Variants in ATP6V1B1 observed in about 807,000 individuals in gnomAD.
ATP6V1B1 encodes ATPase H+ transporting V1 subunit B1, also known as V-type proton ATPase subunit B, kidney isoform.
ATP6V1B1 carries 41 observed loss-of-function variants against 62.1 expected under a neutral mutation model. That is an observed-to-expected ratio of 0.66 (90% CI 0.51 to 0.86). ATP6V1B1 has a LOEUF of 0.86. Ranked by LOEUF, ATP6V1B1 falls within the 40% of genes least tolerant of loss-of-function variation. The probability of loss-of-function intolerance (pLI) is 0.00; values close to 1 mark genes in which losing one functional copy is unlikely to be tolerated. For synonymous variants in ATP6V1B1, 253 were observed against 273.4 expected (o/e 0.93, Z 0.74); for missense variants, 651 against 697.5 (o/e 0.93, Z 0.75).
chr2:70,962,726 G>A (rs1553420290), intron 8 of ATP6V1B1, 51 bp from the exon 9 acceptor site: 2 of 1,608,690 alleles, frequency 1.2e-6, no homozygotes, highest in South Asian at 1.1e-5. Context: ...AGGCTATGTG[G>A]TGCATTAGCC....
chr2:70,957,807 G>T, intron 2 of ATP6V1B1: 4 of 549,296 alleles, frequency 7.3e-6, no homozygotes, highest in Non-Finnish European at 9.9e-6. Context: ...CACAAGGTCA[G>T]GCAGCTACTA....
intron 9 of ATP6V1B1, 42 bp downstream of exon 9, chr2:70,962,942 T>C: frequency 6.2e-7 from 1 of 1,612,222 alleles, no homozygotes; most frequent in African/African-American, 1.3e-5. Context: ...TCCCTACCCC[T>C]CCCTAAGCCT....
chr2:70,942,001 C>G lies in ATP6V1B1; in HGVS notation c.119-1657C>G, dbSNP rs543446839. 83 of 1,043,442 alleles carry G rather than the reference C, an allele frequency of 8.0e-5. No homozygotes were observed. In the African/African-American group the frequency reaches 1.3e-3, roughly 16 times the overall value. 64.6% of individuals were successfully genotyped at this position (1,043,442 alleles called of 1,614,324 possible). A position where few individuals can be genotyped will look rare whatever the true frequency, so the allele number is the denominator to read the frequency against. Reference sequence around the variant, plus strand: ...GGGGCCATGCTTGTGAGGGGAGGAACTGGAGAAGGACTGGGACTGAGCGAG... The same window carrying G: ...GGGGCCATGCTTGTGAGGGGAGGAAGTGGAGAAGGACTGGGACTGAGCGAG... On this transcript the variant is annotated intron_variant, in intron 1 of 13. Coordinates refer to ENST00000234396, the MANE Select transcript of ATP6V1B1 (RefSeq NM_001692.4).
chr2:70,960,899 T>C, intron 6 of ATP6V1B1, 22 bp from the exon 7 acceptor site: 1 of 1,592,210 alleles, frequency 6.3e-7, no homozygotes, highest in Non-Finnish European at 8.6e-7. Flanking sequence ...GACGTCCTCC[T>C]GCCCAATCCA....
chr2:70,958,254 C>A, intron 3 of ATP6V1B1, 79 bp from the exon 4 acceptor site: 1 of 1,593,828 alleles, frequency 6.3e-7, no homozygotes, highest in Non-Finnish European at 8.6e-7. Context: ...TCCCTGAGAG[C>A]ACAGAAAGTG....
At chr2:70,938,562 CTT>C (rs1558667584) in intron 1 of ATP6V1B1, 22 of 985,190 alleles carry the variant, frequency 2.2e-5, no homozygotes, top group Non-Finnish European at 2.5e-5. Flanking sequence ...AGGCCTGAGA[CTT>C]TAAGGCTGAT....
At chr2:70,941,689 A>G in intron 1 of ATP6V1B1, 2 of 972,524 alleles carry the variant, frequency 2.1e-6, no homozygotes, top group South Asian at 9.5e-5. Flanking sequence ...GCATCCATGC[A>G]GTAGATATGC....
chr2:70,962,227 T>C (rs759218), intron 8 of ATP6V1B1, among the ~76,000 whole-genome samples: 67,372 of 151,784 alleles, frequency 0.44, 15,489 homozygotes, highest in East Asian at 0.66. Flanking sequence ...CAGGAGCACT[T>C]CACGTGGGAA....
In ATP6V1B1 at chr2:70,943,402, G is replaced by A. The variant is rs551125551; in HGVS notation, c.119-256G>A. ...TGAGAGGCCTCTGTGTGGTGGGGGCGGACTCTGAGGAGGCCTCTGCCCTCT... is the reference window on the plus strand; with the variant it reads ...TGAGAGGCCTCTGTGTGGTGGGGGCAGACTCTGAGGAGGCCTCTGCCCTCT... On this transcript the variant is annotated intron_variant, in intron 1 of 13. Coordinates refer to ENST00000234396, the MANE Select transcript of ATP6V1B1 (RefSeq NM_001692.4). 25 of 622,436 alleles carry A rather than the reference G, an allele frequency of 4.0e-5. No individual in the cohort carries two copies. The East Asian group carries it at 5.0e-4, about 13-fold the overall frequency. 38.6% of individuals were successfully genotyped at this position (622,436 alleles called of 1,614,324 possible).
At chr2:70,938,243 T>C (rs943966421) in intron 1 of ATP6V1B1, among the ~76,000 whole-genome samples, 3 of 152,192 alleles carry the variant, frequency 2.0e-5, no homozygotes, top group African/African-American at 7.2e-5. Context: ...CCTCAGGCTC[T>C]GGGAGTGGGA....
intron 2 of ATP6V1B1, among the ~76,000 whole-genome samples, chr2:70,955,342 T>C (rs1013839477): frequency 6.6e-6 from 1 of 152,200 alleles, no homozygotes; most frequent in Non-Finnish European, 1.5e-5. Flanking sequence ...TGATGTGTTA[T>C]AAAAATTGAA....
chr2:70,957,347 A>C (rs1314763031), intron 2 of ATP6V1B1, among the ~76,000 whole-genome samples: 9 of 150,650 alleles, frequency 6.0e-5, no homozygotes. Flanking sequence ...TGATCCGCCC[A>C]CCTCGGCCTC....
chr2:70,950,965 G>A (rs1553418216), intron 2 of ATP6V1B1, among the ~76,000 whole-genome samples: 3 of 88,496 alleles, frequency 3.4e-5, no homozygotes, highest in East Asian at 6.8e-4. Flanking sequence ...TTTTTGAGAC[G>A]GAGTTTCACT....
rs1558681213 is a variant in ATP6V1B1, at chr2:70,965,062, G to C, written c.1483G>C (p.Asp495His). The C allele has an allele frequency of 6.2e-7, 1 of 1,613,408 alleles. No homozygotes were observed. The change falls in exon 14 of 14, where the codon GAC becomes CAC. Residue 495 changes from aspartate to histidine, a missense_variant. Coordinates refer to ENST00000234396, the MANE Select transcript of ATP6V1B1 (RefSeq NM_001692.4). ...MLKRIPQAVI[D>H]EFYSREGALQ... Reference sequence around the variant, plus strand: ...GAAGCGCATTCCGCAGGCCGTGATCGACGAGTTCTATTCCCGCGAGGGGGC... The same window carrying C: ...GAAGCGCATTCCGCAGGCCGTGATCCACGAGTTCTATTCCCGCGAGGGGGC...
chr2:70,943,750 A>G (rs1680071923), intron 2 of ATP6V1B1, 37 bp downstream of exon 2: 2 of 1,611,368 alleles, frequency 1.2e-6, no homozygotes. Flanking sequence ...CACTAAGGCC[A>G]AATCCCAGGG....
At chr2:70,938,730 C>A (rs1289737161) in intron 1 of ATP6V1B1, 42 of 985,262 alleles carry the variant, frequency 4.3e-5, no homozygotes, top group Non-Finnish European at 4.6e-5. Flanking sequence ...AGGGCCTTGG[C>A]TCCCGGCTGG....
intron 2 of ATP6V1B1, among the ~76,000 whole-genome samples, chr2:70,950,282 C>CTT (rs1333155754): frequency 6.6e-6 from 1 of 152,064 alleles, no homozygotes; most frequent in African/African-American, 2.4e-5. Flanking sequence ...TATCTCTGAT[C>CTT]TTTTTCATAA....
chr2:70,947,028 C>T (rs1335598685), intron 2 of ATP6V1B1, among the ~76,000 whole-genome samples: 1 of 152,160 alleles, frequency 6.6e-6, no homozygotes, highest in Non-Finnish European at 1.5e-5. Flanking sequence ...GTTTCTACAG[C>T]GCCACCTTCT....
Position 70,938,477 on chromosome 2 carries a change from G to C in ATP6V1B1, c.118+2405G>C, listed in dbSNP as rs1297462210. 3 of 909,792 alleles carry C rather than the reference G, an allele frequency of 3.3e-6. No individual in the cohort carries two copies. The African/African-American group carries it at 5.4e-5, about 16-fold the overall frequency. 56.4% of individuals were successfully genotyped at this position (909,792 alleles called of 1,614,324 possible). A position where few individuals can be genotyped will look rare whatever the true frequency, so the allele number is the denominator to read the frequency against. On this transcript the variant is annotated intron_variant, in intron 1 of 13. Transcript: ENST00000234396. ...GGTGCCTAAGGGCAGGGAGGCCCCA[G>C]TGCTCGCTGGGCCACGGTGGAGGTG...
Sources: gnomAD v4.1 joint callset for allele counts (sites outside exome capture counted in the v4.1 genomes callset) on GRCh38, gnomAD v4.1.1 for gene constraint, MANE v1.5 for transcripts, NCBI Gene and HGNC (gene_info 2026-07-23, HGNC 2026-07-21) for gene names.